The following VANGL1 variants were observed in gnomAD, a reference collection of about 807,000 sequenced individuals.
The protein encoded by VANGL1 is vang-like protein 1.
A neutral mutation model predicts 48.4 loss-of-function variants in VANGL1; 18 were observed. That is an observed-to-expected ratio of 0.37 (90% CI 0.26 to 0.55). The LOEUF (loss-of-function observed/expected upper bound fraction) is 0.55, where lower values mean the gene tolerates loss of function less well. VANGL1 is among the 20% of genes least tolerant of loss of function. The pLI is 0.81. For synonymous variants in VANGL1, 257 were observed against 261.8 expected (o/e 0.98, Z 0.18); for missense variants, 667 against 675.8 (o/e 0.99, Z 0.14).
At chr1:115,650,845 T>A (rs1652113195) in intron 1 of VANGL1, among the ~76,000 whole-genome samples, 1 of 152,092 alleles carries the variant, frequency 6.6e-6, no homozygotes, top group East Asian at 1.9e-4. Flanking sequence ...AAGATCTTTT[T>A]TTTTTTTAAT....
intron 1 of VANGL1, among the ~76,000 whole-genome samples, chr1:115,643,088 A>G (rs191289861): frequency 1.3e-5 from 2 of 152,330 alleles, no homozygotes; most frequent in East Asian, 3.9e-4. Context: ...AGAGCGCCTT[A>G]TGATGATGAT....
chr1:115,667,688 C>T (rs910331202), intron 4 of VANGL1, among the ~76,000 whole-genome samples: 2 of 152,246 alleles, frequency 1.3e-5, no homozygotes, highest in Non-Finnish European at 2.9e-5. Flanking sequence ...TTTCCATACA[C>T]ACCTTGCTCG....
chr1:115,662,422 T>C (rs991110098), intron 3 of VANGL1, among the ~76,000 whole-genome samples: 7 of 152,226 alleles, frequency 4.6e-5, no homozygotes, highest in Non-Finnish European at 1.0e-4. Flanking sequence ...GCCTCCTGTG[T>C]CTTTTCAGCG....
chr1:115,667,773 A>G (rs990042816), intron 4 of VANGL1, among the ~76,000 whole-genome samples: 2 of 152,238 alleles, frequency 1.3e-5, no homozygotes, highest in Non-Finnish European at 2.9e-5. Flanking sequence ...ATGACTGTTG[A>G]TATGACTTTA....
intron 4 of VANGL1, among the ~76,000 whole-genome samples, chr1:115,676,833 T>G (rs1036492206): frequency 2.0e-5 from 3 of 152,248 alleles, no homozygotes; most frequent in Non-Finnish European, 4.4e-5. Flanking sequence ...CCTGCCCCAG[T>G]CAATTCATTA....
intron 2 of VANGL1, among the ~76,000 whole-genome samples, chr1:115,658,340 A>G (rs1222986809): frequency 6.6e-6 from 1 of 152,212 alleles, no homozygotes; most frequent in East Asian, 1.9e-4. Flanking sequence ...CCAAGGTTAT[A>G]CACACTCTGC....
chr1:115,661,649 G>C (rs1652555745), intron 3 of VANGL1, among the ~76,000 whole-genome samples: 1 of 151,954 alleles, frequency 6.6e-6, no homozygotes, highest in Non-Finnish European at 1.5e-5. Flanking sequence ...GCAGAGTCTT[G>C]TTCTGTCGCC....
At chr1:115,665,939 C>G (rs567377480) in intron 4 of VANGL1, among the ~76,000 whole-genome samples, 1 of 152,208 alleles carries the variant, frequency 6.6e-6, no homozygotes, top group Non-Finnish European at 1.5e-5. Flanking sequence ...GACCAGTGCA[C>G]CGCTGTCTGG....
intron 4 of VANGL1, among the ~76,000 whole-genome samples, chr1:115,673,325 C>T (rs1653051835): frequency 1.3e-5 from 2 of 152,134 alleles, no homozygotes; most frequent in Admixed American, 6.6e-5. Flanking sequence ...GAGTAGTTTC[C>T]TAAGTAGCTT....
Position 115,659,601 on chromosome 1 carries a change from T to G in VANGL1, c.72-40T>G, listed in dbSNP as rs768998133. ...ATTTTGATAAACCCAGAGAGTTAATTAACATGGCATAAATGTGCTAGCTCA... is the reference window on the plus strand; with the variant it reads ...ATTTTGATAAACCCAGAGAGTTAATGAACATGGCATAAATGTGCTAGCTCA... On this transcript the variant is annotated intron_variant, in intron 2 of 7. Coordinates refer to ENST00000355485, the MANE Select transcript of VANGL1 (RefSeq NM_138959.3). The G allele has an allele frequency of 3.7e-6, 6 of 1,612,908 alleles. No homozygotes were observed. In the South Asian group the frequency reaches 6.6e-5, roughly 18 times the overall value.
intron 4 of VANGL1, among the ~76,000 whole-genome samples, chr1:115,672,353 G>A (rs546286476): frequency 5.4e-4 from 83 of 152,296 alleles, no homozygotes; most frequent in South Asian, 2.3e-3. Flanking sequence ...CCAGCCTTCC[G>A]ATATTGGTTC....
intron 4 of VANGL1, among the ~76,000 whole-genome samples, chr1:115,667,842 T>C (rs1412271549): frequency 6.6e-6 from 1 of 152,240 alleles, no homozygotes; most frequent in Non-Finnish European, 1.5e-5. Context: ...ATTATCTTAA[T>C]CATTTTTCAG....
chr1:115,686,252 C>T (rs1001258522), intron 7 of VANGL1, among the ~76,000 whole-genome samples: 4 of 150,716 alleles, frequency 2.7e-5, no homozygotes, highest in Admixed American at 1.3e-4. Context: ...TGAGGATGGA[C>T]TAAATAGCTC....
Position 115,663,807 on chromosome 1 carries a change from T to G in VANGL1, c.351T>G (p.Ser117=), listed in dbSNP as rs751947752. 1 of 1,614,174 alleles carries G rather than the reference T, an allele frequency of 6.2e-7. No individual in the cohort carries two copies. Among genetic ancestry groups the G allele is most frequent in the South Asian group, 1.1e-5 (1 of 91,080 alleles). Residue 117 remains serine, a synonymous_variant, in exon 4 of 8, where the codon TCT becomes TCG. Coordinates refer to ENST00000355485, the MANE Select transcript of VANGL1 (RefSeq NM_138959.3). ...GCTACCTGGGCCTCACCGTCGCCTC[T>G]TTTCTTGGACTTCTAGTTTTCCTCA... The part of the protein sequence containing the change: ...CKRYLGLTVA[S]FLGLLVFLTP...
At chr1:115,658,857 C>T (rs879616533) in intron 2 of VANGL1, among the ~76,000 whole-genome samples, 8 of 152,096 alleles carry the variant, frequency 5.3e-5, no homozygotes, top group Non-Finnish European at 7.4e-5. Context: ...CTTACAATCA[C>T]GCTGGAAGAC....
At position 115,651,261 on chromosome 1, in the gene VANGL1, TC is replaced by T; in HGVS notation, c.-137-11del. On this transcript the variant is annotated splice_polypyrimidine_tract_variant and intron_variant, in intron 1 of 7. Transcript: ENST00000355485. ...CTCTGAAGATTAATGTCTTTTTTTT[TC>T]CCCCTCTTTCCCAGAATTTGTTCCT... is the stretch of plus-strand genomic sequence containing the variant. 3.0e-6 allele frequency: 2 copies of T among 661,996 alleles called. No homozygotes were observed. The highest frequency in any genetic ancestry group is 5.3e-6 in the Non-Finnish European group (2 of 378,198). The allele number at this position is 661,996 out of a possible 1,614,324, so 41.0% of individuals were successfully genotyped here.
intron 4 of VANGL1, among the ~76,000 whole-genome samples, chr1:115,676,557 C>T (rs749111115): frequency 2.0e-5 from 3 of 152,206 alleles, no homozygotes; most frequent in Non-Finnish European, 2.9e-5. Context: ...ATTTCATCTT[C>T]AGCACAGACC....
At chr1:115,661,107 T>A (rs1400106214) in intron 3 of VANGL1, among the ~76,000 whole-genome samples, 3 of 152,198 alleles carry the variant, frequency 2.0e-5, no homozygotes, top group African/African-American at 7.2e-5. Flanking sequence ...GTGAAAAGCA[T>A]TGAGATGGGT....
chr1:115,675,515 A>C, intron 4 of VANGL1, among the ~76,000 whole-genome samples: 1 of 152,048 alleles, frequency 6.6e-6, no homozygotes, highest in Non-Finnish European at 1.5e-5. Flanking sequence ...AAAAATAAAA[A>C]TTGGCCAGGT....
Sources: gnomAD v4.1 joint callset for allele counts (sites outside exome capture counted in the v4.1 genomes callset) on GRCh38, gnomAD v4.1.1 for gene constraint, MANE v1.5 for transcripts, NCBI Gene and HGNC (gene_info 2026-07-23, HGNC 2026-07-21) for gene names.